RXRA: variants seen among roughly 807,000 people sequenced by gnomAD.
The protein encoded by RXRA is retinoic acid receptor RXR-alpha.
Under a neutral mutation model 44.5 loss-of-function variants are expected in RXRA, and 5 were observed. The ratio of observed to expected loss-of-function variants is 0.11; its 90% CI spans 0.06 to 0.24. RXRA has a LOEUF of 0.24. Ranked by LOEUF, RXRA falls within the 10% of genes least tolerant of loss-of-function variation. The pLI is 1.00. For synonymous variants in RXRA, 291 were observed against 271.4 expected, an observed-to-expected ratio of 1.07 and a Z score of -0.71; for missense variants, 412 against 646.5, an observed-to-expected ratio of 0.64 and a Z score of 3.93.
At position 134,426,689 on chromosome 9, in the gene RXRA, G is replaced by A. The variant is rs1259202343; in HGVS notation, c.911-2419G>A. On this transcript the variant is annotated intron_variant, in intron 6 of 9. Coordinates refer to ENST00000481739, the MANE Select transcript of RXRA (RefSeq NM_002957.6). The surrounding 1 kb of genome is among the most constrained non-coding windows in gnomAD (Gnocchi z 4.6). ...CTGGTGCCTGCTGGGTGGCCTCAGG[G>A]GCTCTCGGGGCAGTGGGAGGGGAGG... The A allele has an allele frequency of 4.1e-6, 4 of 985,310 alleles. No homozygotes were observed. The African/African-American group carries it at 5.2e-5, about 13-fold the overall frequency. The allele number at this position is 985,310 out of a possible 1,614,324, so 61.0% of individuals were successfully genotyped here.
At chr9:134,386,682 C>A (rs1292297781) in intron 1 of RXRA, among the ~76,000 whole-genome samples, 1 of 152,144 alleles carries the variant, frequency 6.6e-6, no homozygotes, top group Non-Finnish European at 1.5e-5. Flanking sequence ...TGAGGCTGGC[C>A]CTGGGTCTGC....
At chr9:134,338,261 G>A (rs1167370036) in intron 1 of RXRA, among the ~76,000 whole-genome samples, 2 of 152,240 alleles carry the variant, frequency 1.3e-5, no homozygotes, top group Non-Finnish European at 2.9e-5. Flanking sequence ...GCCATCGCCA[G>A]GCATTCGACC....
chr9:134,385,317 C>G (rs1830703290), intron 1 of RXRA, among the ~76,000 whole-genome samples: 1 of 152,232 alleles, frequency 6.6e-6, no homozygotes, highest in Non-Finnish European at 1.5e-5. Flanking sequence ...GAAGAAAGCC[C>G]TCGTTGTGTG....
Position 134,440,207 on chromosome 9 carries a change from C to G in RXRA, c.*3593C>G, listed in dbSNP as rs1831709414. On this transcript the variant is annotated 3_prime_UTR_variant, in exon 10 of 10. Transcript: ENST00000481739. ...CTGCTTCTAGAGATTGAGGTGAAAG[C>G]TTCGTCCGAGAAACGCCAGGACAGA... The G allele has an allele frequency of 6.6e-6, 1 of 151,954 alleles. No individual in the cohort carries two copies. The highest frequency in any genetic ancestry group is 6.6e-5 in the Admixed American group (1 of 15,256). The allele number at this position is 151,954 out of a possible 1,614,324, so 9.4% of individuals were successfully genotyped here. A position where few individuals can be genotyped will look rare whatever the true frequency, so the allele number is the denominator to read the frequency against.
chr9:134,394,484 G>A (rs916306180), intron 1 of RXRA, among the ~76,000 whole-genome samples: 1 of 152,158 alleles, frequency 6.6e-6, no homozygotes, highest in East Asian at 1.9e-4. Flanking sequence ...CCTGACTGAG[G>A]CTTGGAGAAG....
intron 2 of RXRA, among the ~76,000 whole-genome samples, chr9:134,406,957 A>G (rs978561117): frequency 2.6e-5 from 4 of 152,186 alleles, no homozygotes; most frequent in African/African-American, 9.7e-5. Flanking sequence ...TGAGTCACAC[A>G]GTGGCCACCC....
rs369993354 is a variant in RXRA, at chr9:134,440,091, TAAAAA to T, written c.*3485_*3489del. 6.8e-6 allele frequency: 1 copy of T among 146,896 alleles called. No individual in the cohort carries two copies. The highest frequency in any genetic ancestry group is 2.5e-5 in the African/African-American group (1 of 40,248). The allele number at this position is 146,896 out of a possible 1,614,324, so 9.1% of individuals were successfully genotyped here. On this transcript the variant is annotated 3_prime_UTR_variant, in exon 10 of 10. Coordinates refer to ENST00000481739, the MANE Select transcript of RXRA (RefSeq NM_002957.6). ...AAAATGTCTAAAGCATCTGGAAAGG[TAAAAA>T]AAAAAAATCTATTTTTGTACAAATG... is the stretch of plus-strand genomic sequence containing the variant.
In RXRA at chr9:134,401,671, C is replaced by T. The variant is rs747209166; in HGVS notation, c.68C>T (p.Thr23Met). The T allele has an allele frequency of 2.6e-5, 42 of 1,612,998 alleles. No individual in the cohort carries two copies. Among genetic ancestry groups the T allele is most frequent in the East Asian group, 1.6e-4 (7 of 44,888 alleles). The stretch of plus-strand genomic sequence containing the variant: ...GTGAACTCCTCCCTCACCTCCCCGA[C>T]GGGGCGAGGCTCCATGGCTGCCCCC... ...TQVNSSLTSP[T>M]GRGSMAAPSL... is the part of the protein sequence containing the mutation. The change falls in exon 2 of 10, where the codon ACG becomes ATG. Residue 23 changes from threonine to methionine, a missense_variant. This residue lies in a region of RXRA where 156 missense variants were observed against 177.2 expected (regional missense o/e 0.88). Transcript: ENST00000481739.
chr9:134,435,397 C>T (rs1435424225), intron 9 of RXRA, among the ~76,000 whole-genome samples: 2 of 150,156 alleles, frequency 1.3e-5, no homozygotes, highest in South Asian at 2.1e-4. Flanking sequence ...TCCCTCCCGC[C>T]CCCCCACTGG....
intron 1 of RXRA, among the ~76,000 whole-genome samples, chr9:134,378,361 G>GTGTGCCAGCGCCTA (rs1261120805): frequency 2.0e-5 from 3 of 152,230 alleles, no homozygotes; most frequent in Non-Finnish European, 4.4e-5. Flanking sequence ...GCCAGCGCCT[G>GTGTGCCAGCGCCTA]TGTGCGGGGT....
At chr9:134,411,173 C>G (rs1266109695) in intron 4 of RXRA, among the ~76,000 whole-genome samples, 1 of 152,204 alleles carries the variant, frequency 6.6e-6, no homozygotes, top group Non-Finnish European at 1.5e-5. Flanking sequence ...TGAGCCCCGT[C>G]CCGGACCCTC....
At chr9:134,351,863 C>T (rs993413211) in intron 1 of RXRA, among the ~76,000 whole-genome samples, 10 of 152,204 alleles carry the variant, frequency 6.6e-5, no homozygotes, top group Admixed American at 5.2e-4. Context: ...GCAGCAGCTG[C>T]GGCTCTGGCG....
intron 1 of RXRA, among the ~76,000 whole-genome samples, chr9:134,332,852 G>A (rs1027237561): frequency 2.8e-4 from 42 of 152,148 alleles, no homozygotes; most frequent in Admixed American, 2.4e-3. Flanking sequence ...CCTGTGAATG[G>A]CCTTGCACCC....
intron 1 of RXRA, among the ~76,000 whole-genome samples, chr9:134,351,097 G>A (rs1564265676): frequency 1.3e-5 from 2 of 152,232 alleles, no homozygotes; most frequent in South Asian, 2.1e-4. Context: ...GTGAGGAAGC[G>A]CTGGCTGCAG....
intron 2 of RXRA, 71 bp downstream of exon 2, chr9:134,401,953 A>T (rs752784003): frequency 7.8e-7 from 1 of 1,283,990 alleles, no homozygotes. Context: ...CTGCAGGACG[A>T]CCGCCTCATC....
In RXRA at chr9:134,349,407, GGGA is replaced by G. The variant is rs1384039085; in HGVS notation, c.28+22753_28+22755del. On this transcript the variant is annotated intron_variant, in intron 1 of 9. Coordinates refer to ENST00000481739, the MANE Select transcript of RXRA (RefSeq NM_002957.6). This position sits in a 1 kb window ranked among gnomAD's most constrained non-coding sequence, Gnocchi z 4.3. The stretch of plus-strand genomic sequence containing the variant: ...GAAGGCCTCTCCACGGGGAGCAGGA[GGGA>G]GGAGAGGGACAGGCTGGTGGGTCGG... Among the ~76,000 whole-genome samples the G allele has an allele frequency of 6.6e-6, 1 of 152,206 alleles. No individual in the cohort carries two copies. Among genetic ancestry groups the G allele is most frequent in the Non-Finnish European group, 1.5e-5 (1 of 68,032 alleles).
intron 1 of RXRA, among the ~76,000 whole-genome samples, chr9:134,330,328 G>C (rs1554746499): frequency 6.6e-6 from 1 of 152,220 alleles, no homozygotes; most frequent in East Asian, 1.9e-4. Flanking sequence ...GCCTTGGGTT[G>C]GCCTGTTAAC....
At chr9:134,368,909 G>GGA (rs1830450271) in intron 1 of RXRA, among the ~76,000 whole-genome samples, 1 of 138,914 alleles carries the variant, frequency 7.2e-6, no homozygotes, top group African/African-American at 2.7e-5. Context: ...TGTGTGTGGG[G>GGA]GTTGTGTGTG....
intron 1 of RXRA, among the ~76,000 whole-genome samples, chr9:134,328,274 C>G (rs782155423): frequency 5.9e-5 from 9 of 152,200 alleles, no homozygotes; most frequent in Non-Finnish European, 1.3e-4. Flanking sequence ...GGTTGCACTT[C>G]AGCTGAGTAC....
Sources: gnomAD v4.1 joint callset for allele counts (sites outside exome capture counted in the v4.1 genomes callset) on GRCh38, gnomAD v4.1.1 for gene constraint, gnomAD v4.1.1 regional missense constraint, Gnocchi (gnomAD v3.1) non-coding constraint, MANE v1.5 for transcripts, NCBI Gene and HGNC (gene_info 2026-07-23, HGNC 2026-07-21) for gene names.